The following ESRRG variants were observed in gnomAD, a reference collection of about 807,000 sequenced individuals.
ESRRG encodes estrogen related receptor gamma.
A neutral mutation model predicts 44.0 loss-of-function variants in ESRRG; 13 were observed. The ratio of observed to expected loss-of-function variants is 0.30; its 90% CI spans 0.19 to 0.47. The LOEUF is 0.47. Ranked by LOEUF, ESRRG falls within the 20% of genes least tolerant of loss-of-function variation. The pLI is 1.00. For missense variants in ESRRG, 395 were observed against 580.6 expected (o/e 0.68, Z 3.29); for synonymous variants, 215 against 214.6 (o/e 1.00, Z -0.02).
chr1:216,719,804 A>G (rs868624827), intron 1 of ESRRG, among the ~76,000 whole-genome samples: 2 of 152,080 alleles, frequency 1.3e-5, no homozygotes, highest in South Asian at 4.1e-4. Context: ...CCGCTGCAAC[A>G]CACTAGGCTC....
chr1:216,622,228 T>C (rs1429160096), intron 3 of ESRRG, among the ~76,000 whole-genome samples: 1 of 152,194 alleles, frequency 6.6e-6, no homozygotes, highest in Non-Finnish European at 1.5e-5. Flanking sequence ...ATGACCTCAA[T>C]GGAGAAAGTC....
intron 2 of ESRRG, among the ~76,000 whole-genome samples, chr1:216,791,974 A>C (rs1358610304): frequency 6.6e-6 from 1 of 152,042 alleles, no homozygotes; most frequent in Non-Finnish European, 1.5e-5. Flanking sequence ...CATCAAGTAG[A>C]TTTTCTCTTT....
chr1:217,099,376 CA>C (rs34591349), intron 1 of ESRRG, among the ~76,000 whole-genome samples: 96,119 of 138,346 alleles, frequency 0.69, 35,186 homozygotes, highest in East Asian at 0.85. Flanking sequence ...GTGAGCAGAG[CA>C]AAAAAAAAAA....
chr1:216,930,989 T>C (rs11572498), intron 2 of ESRRG, among the ~76,000 whole-genome samples: 15,375 of 152,238 alleles, frequency 0.1, 855 homozygotes, highest in East Asian at 0.19. Context: ...AGGACAGATC[T>C]CACCAGAGAT....
chr1:216,583,197 T>C (rs1048148105), intron 3 of ESRRG, among the ~76,000 whole-genome samples: 14 of 152,204 alleles, frequency 9.2e-5, no homozygotes, highest in African/African-American at 3.4e-4. Flanking sequence ...ACATGACACA[T>C]ACTGGATGGC....
intron 2 of ESRRG, among the ~76,000 whole-genome samples, chr1:216,830,704 G>A (rs1054421590): frequency 2.6e-5 from 4 of 152,114 alleles, no homozygotes; most frequent in African/African-American, 4.8e-5. Flanking sequence ...ACTTTTAAGT[G>A]TGACAGGAGG....
chr1:216,582,670 T>G (rs2063024758), intron 3 of ESRRG, among the ~76,000 whole-genome samples: 1 of 152,158 alleles, frequency 6.6e-6, no homozygotes, highest in Non-Finnish European at 1.5e-5. Flanking sequence ...AAGTGGTCAA[T>G]TCTTAAAGCA....
intron 2 of ESRRG, among the ~76,000 whole-genome samples, chr1:216,759,231 A>G (rs1296591123): frequency 2.6e-5 from 4 of 152,132 alleles, no homozygotes; most frequent in Non-Finnish European, 5.9e-5. Context: ...TCTATGCTAC[A>G]GTTTCTAGCA....
chr1:216,542,829 G>T (rs562102771), intron 5 of ESRRG, among the ~76,000 whole-genome samples: 2 of 152,016 alleles, frequency 1.3e-5, no homozygotes, highest in African/African-American at 4.8e-5. Context: ...CATGTCTCAT[G>T]CATGAATAAT....
intron 2 of ESRRG, among the ~76,000 whole-genome samples, chr1:216,788,362 G>A (rs1315223146): frequency 6.6e-6 from 1 of 152,026 alleles, no homozygotes; most frequent in Non-Finnish European, 1.5e-5. Flanking sequence ...AAATCCTAGG[G>A]CCCTTAAGAA....
chr1:216,966,803 C>A (rs550580653), intron 1 of ESRRG, among the ~76,000 whole-genome samples: 2 of 152,120 alleles, frequency 1.3e-5, no homozygotes, highest in African/African-American at 4.8e-5. Flanking sequence ...CCACTATAAA[C>A]CAATGGCCTT....
chr1:216,559,019 A>G (rs1336146753), intron 5 of ESRRG, among the ~76,000 whole-genome samples: 1 of 150,904 alleles, frequency 6.6e-6, no homozygotes, highest in Non-Finnish European at 1.5e-5. Flanking sequence ...ACAGGCACAC[A>G]CCACCACATC....
chr1:216,794,832 A>G (rs1227013610), intron 2 of ESRRG, among the ~76,000 whole-genome samples: 2 of 152,174 alleles, frequency 1.3e-5, no homozygotes, highest in Non-Finnish European at 2.9e-5. Flanking sequence ...ATTTCCCTGG[A>G]TTGCACAAGC....
At chr1:216,776,518 C>CTA (rs1460695841) in intron 2 of ESRRG, among the ~76,000 whole-genome samples, 3 of 152,020 alleles carry the variant, frequency 2.0e-5, no homozygotes, top group African/African-American at 4.8e-5. Context: ...AGGGTTGGAA[C>CTA]TATGTCTTAT....
rs116314400 is a variant in ESRRG, at chr1:217,008,370, C to T, written c.-105-68697G>A. Among the ~76,000 whole-genome samples, 214 of 152,328 alleles carry T rather than the reference C, an allele frequency of 1.4e-3. 1 individual carries two copies. Among genetic ancestry groups the T allele is most frequent in the Non-Finnish European group, 2.6e-3 (174 of 68,034 alleles). On this transcript the variant is annotated intron_variant, in intron 1 of 7. Transcript: ENST00000359162. ...TTTCTCCACAGTCAGAATATATGCT[C>T]AACGAAAGTATAATCTAGCAACTGA...
intron 1 of ESRRG, among the ~76,000 whole-genome samples, chr1:217,001,746 G>T (rs955435264): frequency 2.0e-5 from 3 of 152,044 alleles, no homozygotes; most frequent in Non-Finnish European, 4.4e-5. Context: ...GGTAGGGGCC[G>T]GTTCACATAA....
chr1:216,540,010 A>C (rs2052224532), intron 5 of ESRRG, among the ~76,000 whole-genome samples: 1 of 152,010 alleles, frequency 6.6e-6, no homozygotes, highest in African/African-American at 2.4e-5. Flanking sequence ...TAATTTAACC[A>C]AGAAATTTAA....
At chr1:216,932,204 T>TGG (rs373322961) in intron 2 of ESRRG, among the ~76,000 whole-genome samples, 2 of 151,900 alleles carry the variant, frequency 1.3e-5, no homozygotes, top group African/African-American at 4.8e-5. Context: ...ACTCCATCTT[T>TGG]GGGGGTGAAA....
chr1:216,883,097 G>C (rs1340421724), intron 2 of ESRRG, among the ~76,000 whole-genome samples: 2 of 152,160 alleles, frequency 1.3e-5, no homozygotes, highest in Admixed American at 6.5e-5. Context: ...CTTTGCTCAG[G>C]CTGGGCGCAG....
Sources: allele counts gnomAD v4.1 joint callset (sites outside exome capture counted in the v4.1 genomes callset), GRCh38; gene constraint gnomAD v4.1.1; transcripts MANE v1.5; gene names NCBI Gene and HGNC (gene_info 2026-07-23, HGNC 2026-07-21).